CACNA1S: variants seen among roughly 807,000 people sequenced by gnomAD.
The protein encoded by CACNA1S is voltage-dependent L-type calcium channel subunit alpha-1S.
In CACNA1S, 126 loss-of-function variants were observed where a neutral mutation model predicts 207.4. The ratio of observed to expected loss-of-function variants is 0.61; its 90% CI spans 0.53 to 0.70. The LOEUF (loss-of-function observed/expected upper bound fraction) is 0.70, where lower values mean the gene tolerates loss of function less well. Ranked by LOEUF, CACNA1S falls within the 30% of genes least tolerant of loss-of-function variation. CACNA1S has a pLI of 0.00. For missense variants in CACNA1S, 2,349 were observed against 2,422.8 expected (o/e 0.97, Z 0.64); for synonymous variants, 960 against 932.7 (o/e 1.03, Z -0.53).
chr1:201,105,269 T>C (rs1662835359), intron 2 of CACNA1S, among the ~76,000 whole-genome samples: 1 of 152,212 alleles, frequency 6.6e-6, no homozygotes, highest in Non-Finnish European at 1.5e-5. Flanking sequence ...TCTCTGTGAC[T>C]ATAGGCTTTT....
Position 201,091,971 on chromosome 1 carries a change from C to T in CACNA1S, c.541+1G>A, listed in dbSNP as rs1261484116. The T allele has an allele frequency of 1.2e-6, 2 of 1,614,114 alleles. No individual in the cohort carries two copies. Among genetic ancestry groups the T allele is most frequent in the South Asian group, 1.1e-5 (1 of 91,070 alleles). On this transcript the variant is annotated splice_donor_variant, in intron 4 of 43. Transcript: ENST00000362061. LOFTEE classifies it high-confidence loss of function. ...GGGTCTGCAGGGACACTGCCACCCA[C>T]TAGGCACCCCCGACACCAGCCGGAG...
intron 40 of CACNA1S, among the ~76,000 whole-genome samples, chr1:201,042,128 ATTTGTTTTGT>A (rs796347831): frequency 6.6e-6 from 1 of 151,840 alleles, no homozygotes; most frequent in Non-Finnish European, 1.5e-5. Flanking sequence ...TTTTTTGTTT[ATTTGTTTTGT>A]TTTGTTTTGT....
chr1:201,061,414 G>A lies in CACNA1S; in HGVS notation c.3108C>T (p.Asn1036=), dbSNP rs773482623. 1 of 1,614,206 alleles carries A rather than the reference G, an allele frequency of 6.2e-7. No individual in the cohort carries two copies. The highest frequency in any genetic ancestry group is 8.5e-7 in the Non-Finnish European group (1 of 1,180,002). ...AGAAGATGGCCATCTCCACACGGTT[G>A]TTGTAGATGGGACCCACGTCCTCCG... is the stretch of plus-strand genomic sequence containing the variant. ...SNAEDVGPIY[N]NRVEMAIFFI... Residue 1036 remains asparagine, a synonymous_variant, in exon 25 of 44, where the codon AAC becomes AAT. Coordinates refer to ENST00000362061, the MANE Select transcript of CACNA1S (RefSeq NM_000069.3).
intron 27 of CACNA1S, 58 bp downstream of exon 27, chr1:201,059,131 G>A (rs918849583): frequency 9.2e-7 from 1 of 1,086,430 alleles, no homozygotes; most frequent in African/African-American, 1.5e-5. Flanking sequence ...ATGTTCCACT[G>A]GAAGGTCCCA....
rs766693870 is a variant in CACNA1S at position 201,083,327 on chromosome 1, G to A, written c.1233-5C>T. 4 of 1,614,060 alleles carry A rather than the reference G, an allele frequency of 2.5e-6. No individual in the cohort carries two copies. In the Middle Eastern group the frequency reaches 6.6e-4, roughly 266 times the overall value. ...TTCCACTGCCTCCAATGTCGGCTGA[G>A]GGAGGGGACAGAGGATGGTCTACAG... On this transcript the variant is annotated splice_region_variant and splice_polypyrimidine_tract_variant and intron_variant, in intron 9 of 43. Coordinates refer to ENST00000362061, the MANE Select transcript of CACNA1S (RefSeq NM_000069.3).
At chr1:201,077,821 A>T in intron 11 of CACNA1S, 58 bp downstream of exon 11, 1 of 1,220,470 alleles carries the variant, frequency 8.2e-7, no homozygotes, top group Non-Finnish European at 1.2e-6. Context: ...GGTGTAGACC[A>T]GACCAGCCCG....
At chr1:201,094,391 T>A (rs1283158145) in intron 2 of CACNA1S, among the ~76,000 whole-genome samples, 4 of 152,230 alleles carry the variant, frequency 2.6e-5, no homozygotes, top group Admixed American at 2.0e-4. Flanking sequence ...TTGTTCATTA[T>A]CTATCTTCTC....
At chr1:201,051,194 CAG>C in intron 32 of CACNA1S, 51 bp from the exon 33 acceptor site, 1 of 1,605,274 alleles carries the variant, frequency 6.2e-7, no homozygotes, top group Non-Finnish European at 8.5e-7. Context: ...CCTGGCCCCT[CAG>C]AAGGCTGGCA....
At chr1:201,046,424 G>A (rs769679675) in intron 38 of CACNA1S, among the ~76,000 whole-genome samples, 9 of 152,190 alleles carry the variant, frequency 5.9e-5, no homozygotes, top group Non-Finnish European at 8.8e-5. Flanking sequence ...CAAGTGATCC[G>A]CCCTTCTTGG....
chr1:201,095,101 A>G (rs1662370261), intron 2 of CACNA1S, among the ~76,000 whole-genome samples: 1 of 151,410 alleles, frequency 6.6e-6, no homozygotes, highest in African/African-American at 2.4e-5. Context: ...GCCAGCCTGC[A>G]GCACGGCACA....
At chr1:201,067,127 A>T (rs1661275948) in intron 19 of CACNA1S, 134 bp from the exon 20 acceptor site, 2 of 716,120 alleles carry the variant, frequency 2.8e-6, no homozygotes, top group South Asian at 1.5e-5. Context: ...TCTATATTTC[A>T]CTCAACTCCT....
At chr1:201,097,699 C>A (rs949676819) in intron 2 of CACNA1S, among the ~76,000 whole-genome samples, 9 of 152,160 alleles carry the variant, frequency 5.9e-5, no homozygotes, top group Admixed American at 2.0e-4. Context: ...AGGTGACATT[C>A]CCCCATCAGT....
chr1:201,101,595 G>T (rs941549093), intron 2 of CACNA1S, among the ~76,000 whole-genome samples: 1 of 152,252 alleles, frequency 6.6e-6, no homozygotes, highest in African/African-American at 2.4e-5. Context: ...AGATGCAGGA[G>T]AGGGTGAGAG....
chr1:201,081,556 T>C (rs566020605), intron 10 of CACNA1S, among the ~76,000 whole-genome samples: 7 of 152,352 alleles, frequency 4.6e-5, no homozygotes, highest in Admixed American at 1.3e-4. Flanking sequence ...GATCACATTA[T>C]ATTCTTGCTT....
chr1:201,073,940 T>C (rs1661513133), intron 14 of CACNA1S, among the ~76,000 whole-genome samples: 2 of 152,154 alleles, frequency 1.3e-5, no homozygotes, highest in Non-Finnish European at 2.9e-5. Flanking sequence ...ACGAGATTCA[T>C]AGAGTGGAAG....
At chr1:201,089,508 G>C in intron 5 of CACNA1S, 45 bp from the exon 6 acceptor site, 4 of 1,579,952 alleles carry the variant, frequency 2.5e-6, no homozygotes, top group Non-Finnish European at 3.5e-6. Flanking sequence ...AGTAGTAGGT[G>C]GACAACGACA....
chr1:201,064,482 C>T (rs909077579), intron 22 of CACNA1S, among the ~76,000 whole-genome samples: 6 of 152,248 alleles, frequency 3.9e-5, no homozygotes, highest in African/African-American at 1.4e-4. Context: ...TTGTAAGGCC[C>T]TCAGCTCTAG....
rs1427126170 is a variant in CACNA1S at position 201,083,196 on chromosome 1, G to T, written c.1359C>A (p.His453Gln). ...ALNTLSIASE[H>Q]HNQPLWLTRL... Reference sequence around the variant, plus strand: ...GGGTCAGCCAGAGAGGCTGGTTGTGGTGCTCTGAGGCGATAGACAGGGTGT... The same window carrying T: ...GGGTCAGCCAGAGAGGCTGGTTGTGTTGCTCTGAGGCGATAGACAGGGTGT... The change falls in exon 10 of 44, where the codon CAC becomes CAA. Residue 453 changes from histidine (H) to glutamine (Q), a missense_variant. Coordinates refer to ENST00000362061, the MANE Select transcript of CACNA1S (RefSeq NM_000069.3). The T allele has an allele frequency of 6.2e-7, 1 of 1,614,200 alleles. No homozygotes were observed. The highest frequency in any genetic ancestry group is 8.5e-7 in the Non-Finnish European group (1 of 1,180,038).
chr1:201,050,448 C>T lies in CACNA1S; in HGVS notation c.4182G>A (p.Leu1394=), dbSNP rs1572025713. The T allele has an allele frequency of 6.2e-7, 1 of 1,614,088 alleles. No homozygotes were observed. The highest frequency in any genetic ancestry group is 8.5e-7 in the Non-Finnish European group (1 of 1,180,014). Residue 1394 remains leucine, a synonymous_variant, in exon 34 of 44, where the codon CTG becomes CTA. Coordinates refer to ENST00000362061, the MANE Select transcript of CACNA1S (RefSeq NM_000069.3). ...TGAACTCATCCAGGTGATGAGGGCC[C>T]AGGATGGACCAGTCCCGGGTGAGGT... ...FDYLTRDWSI[L]GPHHLDEFKA...
Sources: allele counts gnomAD v4.1 joint callset (sites outside exome capture counted in the v4.1 genomes callset), GRCh38; gene constraint gnomAD v4.1.1; transcripts MANE v1.5; gene names NCBI Gene and HGNC (gene_info 2026-07-23, HGNC 2026-07-21).